Variants in KAT6B observed in about 807,000 individuals in gnomAD.
KAT6B encodes histone acetyltransferase KAT6B.
Under a neutral mutation model 187.5 loss-of-function variants are expected in KAT6B, and 10 were observed. That is an observed-to-expected ratio of 0.05 (90% CI 0.03 to 0.09). KAT6B has a LOEUF of 0.09. Among genes scored for constraint, KAT6B ranks in the 10% least tolerant of loss-of-function variants. The probability of loss-of-function intolerance (pLI) is 1.00; values close to 1 mark genes in which losing one functional copy is unlikely to be tolerated. For synonymous variants in KAT6B, 861 were observed against 926.8 expected (o/e 0.93, Z 1.29); for missense variants, 1,952 against 2,558.9 (o/e 0.76, Z 5.12).
intron 3 of KAT6B, among the ~76,000 whole-genome samples, chr10:74,848,484 G>A (rs1038103884): frequency 6.6e-6 from 1 of 151,988 alleles, no homozygotes. Flanking sequence ...CAGCCTGGGC[G>A]ACAGAGCAAC....
chr10:74,951,498 G>A (rs988001747), intron 3 of KAT6B, among the ~76,000 whole-genome samples: 1 of 152,044 alleles, frequency 6.6e-6, no homozygotes, highest in Non-Finnish European at 1.5e-5. Context: ...AGCGGGACTG[G>A]GGAGGGGGAG....
chr10:74,842,890 G>A lies in KAT6B; in HGVS notation c.33G>A (p.Glu11=), dbSNP rs780144880. ...AACTTGCAAACCCACTTTATACAGA[G>A]TGGATTCTTGAAGCTATACAGAAAA... The part of the protein sequence containing the change: MVKLANPLYT[E]WILEAIQKIK... Residue 11 remains glutamate (E), a synonymous_variant, in exon 3 of 18, where the codon GAG becomes GAA. Coordinates refer to ENST00000287239, the MANE Select transcript of KAT6B (RefSeq NM_012330.4). 1.2e-6 allele frequency: 2 copies of A among 1,614,182 alleles called. No homozygotes were observed. Among genetic ancestry groups the A allele is most frequent in the Non-Finnish European group, 1.7e-6 (2 of 1,180,040 alleles).
In KAT6B at chr10:75,029,214, G is replaced by A. The variant is rs143733161; in HGVS notation, c.4390G>A (p.Val1464Met). 84 of 1,614,138 alleles carry A rather than the reference G, an allele frequency of 5.2e-5. 1 individual carries two copies. In the African/African-American group the frequency reaches 9.7e-4, roughly 19 times the overall value. ...CCAGGAGACTTTTTTAGACCTTAAT[G>A]TGCAGCCTGGTCACTCGAACCCAGA... ...ENQETFLDLN[V>M]QPGHSNPEVL... Residue 1464 changes from valine to methionine, a missense_variant, in exon 18 of 18, where the codon GTG becomes ATG. By Grantham distance (21) the Val-to-Met change is conservative. Coordinates refer to ENST00000287239, the MANE Select transcript of KAT6B (RefSeq NM_012330.4). This position sits in a 1 kb window ranked among gnomAD's most constrained non-coding sequence, Gnocchi z 6.2.
At chr10:74,972,718 T>G in intron 7 of KAT6B, 79 bp downstream of exon 7, 2 of 1,344,304 alleles carry the variant, frequency 1.5e-6, no homozygotes, top group Non-Finnish European at 2.1e-6. Context: ...TCAGATTCCT[T>G]TAGGGGTTTT....
At position 75,028,584 on chromosome 10, in the gene KAT6B, C is replaced by T. The variant is rs1204147168; in HGVS notation, c.3760C>T (p.Arg1254Cys). ...CKQVWPKGTKRGLSKWRQNKE... is the reference protein window; with the variant it reads ...CKQVWPKGTKCGLSKWRQNKE... ...ACAAGTGTGGCCAAAAGGAACAAAG[C>T]GCGGTCTATCTAAGTGGAGGCAAAA... is the stretch of plus-strand genomic sequence containing the variant. The change falls in exon 18 of 18, where the codon CGC becomes TGC. Residue 1254 changes from arginine to cysteine, a missense_variant. By Grantham distance (180) the Arg-to-Cys change is radical (BLOSUM62 -3). Coordinates refer to ENST00000287239, the MANE Select transcript of KAT6B (RefSeq NM_012330.4). The T allele has an allele frequency of 1.1e-5, 18 of 1,613,996 alleles. No homozygotes were observed. The highest frequency in any genetic ancestry group is 2.7e-5 in the African/African-American group (2 of 74,902).
At chr10:75,005,532 T>C (rs1844150016) in intron 13 of KAT6B, among the ~76,000 whole-genome samples, 1 of 152,164 alleles carries the variant, frequency 6.6e-6, no homozygotes, top group South Asian at 2.1e-4. Context: ...ACAACACAAC[T>C]ATAACTTCAG....
intron 13 of KAT6B, among the ~76,000 whole-genome samples, chr10:75,014,336 TAAAG>T (rs1224409779): frequency 1.3e-5 from 2 of 151,870 alleles, no homozygotes; most frequent in African/African-American, 4.8e-5. Context: ...AAGAACAAAA[TAAAG>T]AGAGAAAGAG....
chr10:74,964,303 C>G (rs1404239030), intron 4 of KAT6B, among the ~76,000 whole-genome samples: 2 of 152,194 alleles, frequency 1.3e-5, no homozygotes, highest in Admixed American at 6.5e-5. Context: ...ATCTAATGAT[C>G]ATTTTTAAGT....
chr10:74,900,848 A>G (rs1846336771), intron 3 of KAT6B, among the ~76,000 whole-genome samples: 2 of 152,214 alleles, frequency 1.3e-5, no homozygotes, highest in Admixed American at 6.5e-5. Flanking sequence ...ACAGAGACCT[A>G]TTCTAAGTGA....
rs75943720 is a variant in KAT6B, at chr10:75,018,014, A to G, written c.2630-2568A>G. ...GTCTCATGAGTCAGAGAGGAGAGGG[A>G]AAAACCCACTGCAAGCCATGCAGGG... On this transcript the variant is annotated intron_variant, in intron 13 of 17. Coordinates refer to ENST00000287239, the MANE Select transcript of KAT6B (RefSeq NM_012330.4). 8.8e-4 allele frequency among the ~76,000 whole-genome samples: 134 copies of G among 152,252 alleles called. 2 individuals carry two copies. In the East Asian group the frequency reaches 0.019, roughly 22 times the overall value.
chr10:74,829,287 A>C lies in KAT6B; in HGVS notation c.-329+2502A>C, dbSNP rs114190255. Among the ~76,000 whole-genome samples, 819 of 152,292 alleles carry C rather than the reference A, an allele frequency of 5.4e-3. 1 individual carries two copies. The highest frequency in any genetic ancestry group is 0.018 in the African/African-American group (763 of 41,552). Reference sequence around the variant, plus strand: ...ATGAGTATTAGAAAGTAGATGAGGAAGTTTAATAATTTTAATGTGCTTCAT... The same window carrying C: ...ATGAGTATTAGAAAGTAGATGAGGACGTTTAATAATTTTAATGTGCTTCAT... On this transcript the variant is annotated intron_variant, in intron 1 of 17. Coordinates refer to ENST00000287239, the MANE Select transcript of KAT6B (RefSeq NM_012330.4).
chr10:75,027,376 C>T (rs912819716), intron 17 of KAT6B, among the ~76,000 whole-genome samples: 1 of 152,140 alleles, frequency 6.6e-6, no homozygotes, highest in African/African-American at 2.4e-5. Flanking sequence ...TGCTGTCCAC[C>T]AGTTGGACTA....
At chr10:74,829,577 C>G (rs754853770) in intron 1 of KAT6B, among the ~76,000 whole-genome samples, 1 of 151,866 alleles carries the variant, frequency 6.6e-6, no homozygotes, top group African/African-American at 2.4e-5. Flanking sequence ...CTCAGCTTCC[C>G]GGGTAGCTAG....
chr10:74,977,876 G>A (rs1322639426), intron 9 of KAT6B, among the ~76,000 whole-genome samples: 1 of 152,178 alleles, frequency 6.6e-6, no homozygotes, highest in African/African-American at 2.4e-5. Flanking sequence ...CTGCATTGAT[G>A]AAAACAATAT....
intron 3 of KAT6B, among the ~76,000 whole-genome samples, chr10:74,861,234 C>A (rs569858940): frequency 6.6e-6 from 1 of 151,918 alleles, no homozygotes; most frequent in East Asian, 1.9e-4. Context: ...TGCCGGAGGC[C>A]GAAGGTGCAG....
In KAT6B at chr10:74,994,643, C is replaced by T. The variant is rs984175545; in HGVS notation, c.2629+5531C>T. ...ACAAAAAAAAAACACAAAAATGAGC[C>T]GGGCTTGGTGGCAGGCGCCTGTAGT... On this transcript the variant is annotated intron_variant, in intron 13 of 17. Transcript: ENST00000287239. Among the ~76,000 whole-genome samples the T allele has an allele frequency of 9.2e-5, 14 of 151,812 alleles. No homozygotes were observed. The South Asian group carries it at 1.9e-3, about 20-fold the overall frequency.
Position 75,032,619 on chromosome 10 carries a change from T to C in KAT6B, c.*1573T>C, listed in dbSNP as rs1006566099. On this transcript the variant is annotated 3_prime_UTR_variant, in exon 18 of 18. Transcript: ENST00000287239. ...GTCTTTAAAATAAAGTGAAATTGTT[T>C]TTTTCTTTTGGACTTTGATCTTCAT... 2.3e-5 allele frequency: 4 copies of C among 171,988 alleles called. No homozygotes were observed. The highest frequency in any genetic ancestry group is 3.8e-5 in the Non-Finnish European group (3 of 79,292). 10.7% of individuals were successfully genotyped at this position (171,988 alleles called of 1,614,324 possible).
chr10:74,903,589 G>A (rs556522005), intron 3 of KAT6B, among the ~76,000 whole-genome samples: 1 of 152,294 alleles, frequency 6.6e-6, no homozygotes, highest in Non-Finnish European at 1.5e-5. Context: ...ACCTAAACGA[G>A]CTTGGAGGTG....
intron 3 of KAT6B, among the ~76,000 whole-genome samples, chr10:74,939,817 G>T (rs933717967): frequency 6.6e-6 from 1 of 152,198 alleles, no homozygotes; most frequent in East Asian, 1.9e-4. Context: ...GATACAACCT[G>T]TCGCAATTTA....
Sources: allele counts gnomAD v4.1 joint callset (sites outside exome capture counted in the v4.1 genomes callset), GRCh38; gene constraint gnomAD v4.1.1; non-coding constraint Gnocchi (gnomAD v3.1); transcripts MANE v1.5; gene names NCBI Gene and HGNC (gene_info 2026-07-23, HGNC 2026-07-21).